The following MMP16 variants were observed in gnomAD, a reference collection of about 807,000 sequenced individuals.
MMP16 encodes the protein matrix metalloproteinase-16.
Under a neutral mutation model 67.8 loss-of-function variants are expected in MMP16, and 12 were observed. The observed-to-expected ratio is 0.18, with a 90% CI of 0.11 to 0.29. The LOEUF (loss-of-function observed/expected upper bound fraction) is 0.29, where lower values mean the gene tolerates loss of function less well. Ranked by LOEUF, MMP16 falls within the 10% of genes least tolerant of loss-of-function variation. The pLI is 1.00. For synonymous variants in MMP16, 249 were observed against 255.9 expected, an observed-to-expected ratio of 0.97 and a Z score of 0.26; for missense variants, 475 against 765.7, an observed-to-expected ratio of 0.62 and a Z score of 4.48.
chr8:88,220,162 A>G (rs1184069224), intron 1 of MMP16, among the ~76,000 whole-genome samples: 3 of 152,084 alleles, frequency 2.0e-5, no homozygotes, highest in Non-Finnish European at 1.5e-5. Flanking sequence ...CCACAATATC[A>G]TTATCACACC....
At chr8:88,185,149 T>C (rs1809053421) in intron 3 of MMP16, among the ~76,000 whole-genome samples, 1 of 151,974 alleles carries the variant, frequency 6.6e-6, no homozygotes. Context: ...AGCATAAAAA[T>C]ATACAAGAAG....
chr8:88,301,495 AT>A (rs1302605819), intron 1 of MMP16, among the ~76,000 whole-genome samples: 1 of 152,184 alleles, frequency 6.6e-6, no homozygotes, highest in Non-Finnish European at 1.5e-5. Flanking sequence ...TAAGAAGCTG[AT>A]TTATCACTGA....
At chr8:88,126,252 C>G (rs1807929144) in intron 4 of MMP16, among the ~76,000 whole-genome samples, 1 of 151,780 alleles carries the variant, frequency 6.6e-6, no homozygotes, top group Non-Finnish European at 1.5e-5. Context: ...AGATAAATCA[C>G]CCAAGCCTTT....
At chr8:88,164,877 G>A (rs904938315) in intron 4 of MMP16, among the ~76,000 whole-genome samples, 1 of 151,592 alleles carries the variant, frequency 6.6e-6, no homozygotes. Context: ...CTTAGGCCAC[G>A]TTATATTTCA....
At chr8:88,232,305 A>G (rs1284990014) in intron 1 of MMP16, among the ~76,000 whole-genome samples, 1 of 152,174 alleles carries the variant, frequency 6.6e-6, no homozygotes, top group East Asian at 1.9e-4. Context: ...GCCATTTTAC[A>G]GGTGGGAAAA....
intron 1 of MMP16, among the ~76,000 whole-genome samples, chr8:88,294,860 C>T (rs144489390): frequency 5.7e-4 from 87 of 152,146 alleles, no homozygotes; most frequent in African/African-American, 2.0e-3. Flanking sequence ...TTACAGGTGC[C>T]TGCCACCATG....
chr8:88,101,942 A>G (rs990572307), intron 6 of MMP16, among the ~76,000 whole-genome samples: 7 of 151,816 alleles, frequency 4.6e-5, no homozygotes, highest in Non-Finnish European at 8.8e-5. Flanking sequence ...CTCATTAAAA[A>G]CATCCAGTCT....
intron 4 of MMP16, among the ~76,000 whole-genome samples, chr8:88,139,333 A>T (rs758032009): frequency 6.6e-6 from 1 of 152,102 alleles, no homozygotes; most frequent in African/African-American, 2.4e-5. Flanking sequence ...ATGATAGGTC[A>T]TCGGCGTATC....
At chr8:88,092,399 G>C (rs1166695311) in intron 6 of MMP16, among the ~76,000 whole-genome samples, 1 of 151,846 alleles carries the variant, frequency 6.6e-6, no homozygotes, top group African/African-American at 2.4e-5. Flanking sequence ...GGAAACTACA[G>C]TATCTTCCTT....
At chr8:88,079,223 T>C (rs1250338045) in intron 6 of MMP16, among the ~76,000 whole-genome samples, 1 of 152,118 alleles carries the variant, frequency 6.6e-6, no homozygotes, top group Non-Finnish European at 1.5e-5. Context: ...GTTTCTGTGG[T>C]TTCGCTTTCC....
chr8:88,258,178 C>A (rs988250682), intron 1 of MMP16, among the ~76,000 whole-genome samples: 1 of 152,164 alleles, frequency 6.6e-6, no homozygotes. Context: ...ACAGGACTTG[C>A]TTCACATCTT....
chr8:88,065,799 G>T (rs1251774823), intron 7 of MMP16, among the ~76,000 whole-genome samples: 4 of 152,016 alleles, frequency 2.6e-5, no homozygotes, highest in African/African-American at 9.7e-5. Flanking sequence ...TAAAGAAATT[G>T]CCTGTTTATG....
chr8:88,138,148 C>G (rs569444979), intron 4 of MMP16, among the ~76,000 whole-genome samples: 2 of 151,852 alleles, frequency 1.3e-5, no homozygotes, highest in Admixed American at 1.3e-4. Context: ...TTACTGAATA[C>G]CAGGCAGTGT....
chr8:88,197,335 A>G (rs775297461), intron 1 of MMP16, 29 bp from the exon 2 acceptor site: 3 of 1,514,392 alleles, frequency 2.0e-6, no homozygotes, highest in Non-Finnish European at 2.6e-6. Flanking sequence ...TTTCTTTTAG[A>G]TCAATTTTAC....
chr8:88,205,950 C>T (rs1229537462), intron 1 of MMP16, among the ~76,000 whole-genome samples: 1 of 151,940 alleles, frequency 6.6e-6, no homozygotes, highest in Non-Finnish European at 1.5e-5. Flanking sequence ...ATATCCAATC[C>T]ATCATCAGGT....
chr8:88,147,059 G>T (rs1808305536), intron 4 of MMP16, among the ~76,000 whole-genome samples: 1 of 151,968 alleles, frequency 6.6e-6, no homozygotes, highest in Non-Finnish European at 1.5e-5. Context: ...TAAGTGGCAA[G>T]TTTAGTTCAA....
At chr8:88,311,295 G>A (rs950926124) in intron 1 of MMP16, among the ~76,000 whole-genome samples, 5 of 152,218 alleles carry the variant, frequency 3.3e-5, no homozygotes, top group Non-Finnish European at 4.4e-5. Flanking sequence ...TGCTAGAGCC[G>A]AGATCATCAA....
intron 9 of MMP16, among the ~76,000 whole-genome samples, chr8:88,043,679 G>C (rs1808162881): frequency 6.6e-6 from 1 of 152,158 alleles, no homozygotes; most frequent in South Asian, 2.1e-4. Context: ...TCTGTTCAAT[G>C]CCATGAACAC....
intron 5 of MMP16, among the ~76,000 whole-genome samples, chr8:88,117,386 A>C (rs1586159946): frequency 6.6e-6 from 1 of 152,248 alleles, no homozygotes; most frequent in African/African-American, 2.4e-5. Context: ...TTACACATGT[A>C]ATTTGGTACA....
Sources: allele counts gnomAD v4.1 joint callset (sites outside exome capture counted in the v4.1 genomes callset), GRCh38; gene constraint gnomAD v4.1.1; transcripts MANE v1.5; gene names NCBI Gene and HGNC (gene_info 2026-07-23, HGNC 2026-07-21).